Variants in KIF1A observed in about 807,000 individuals in gnomAD.
The protein encoded by KIF1A is kinesin family member 1A, also known as kinesin-like protein KIF1A.
KIF1A carries 46 observed loss-of-function variants against 227.3 expected under a neutral mutation model. The ratio of observed to expected loss-of-function variants is 0.20; its 90% CI spans 0.16 to 0.26. The LOEUF (loss-of-function observed/expected upper bound fraction) is 0.26. KIF1A is among the 10% of genes least tolerant of loss of function. The pLI is 1.00. For missense variants in KIF1A, 1,683 were observed against 2,485.9 expected (o/e 0.68, Z 6.87); for synonymous variants, 1,022 against 1,012.8 (o/e 1.01, Z -0.17).
chr2:240,769,551 C>T, intron 16 of KIF1A, 76 bp downstream of exon 16: 1 of 1,237,000 alleles, frequency 8.1e-7, no homozygotes, highest in South Asian at 1.3e-5. Context: ...GGGCAGGGCT[C>T]AGTGCTCATC....
Position 240,788,957 on chromosome 2 carries a change from T to G in KIF1A, c.183+279A>C, listed in dbSNP as rs1360377127. On this transcript the variant is annotated intron_variant, in intron 3 of 48. Coordinates refer to ENST00000498729, the MANE Select transcript of KIF1A (RefSeq NM_001244008.2). This position sits in a 1 kb window ranked among gnomAD's most constrained non-coding sequence, Gnocchi z 6.6. Reference sequence around the variant, plus strand: ...GGCTCAGGGTCAGCTTTGGGCATTCTGACTTTGGGATGTCTGGGGGAAAAG... The same window carrying G: ...GGCTCAGGGTCAGCTTTGGGCATTCGGACTTTGGGATGTCTGGGGGAAAAG... Among the ~76,000 whole-genome samples, 3 of 152,106 alleles carry G rather than the reference T, an allele frequency of 2.0e-5. No individual in the cohort carries two copies. The highest frequency in any genetic ancestry group is 7.2e-5 in the African/African-American group (3 of 41,408).
At chr2:240,773,081 C>T in intron 13 of KIF1A, 33 bp downstream of exon 13, 1 of 1,581,304 alleles carries the variant, frequency 6.3e-7, no homozygotes, top group Non-Finnish European at 8.6e-7. Flanking sequence ...GGCCCCACAA[C>T]CCTGTCCAGG....
rs377208782 is a variant in KIF1A at position 240,767,363 on chromosome 2, G to T, written c.1498-18C>A. 1.9e-6 allele frequency: 3 copies of T among 1,605,296 alleles called. No homozygotes were observed. Among genetic ancestry groups the T allele is most frequent in the African/African-American group, 2.7e-5 (2 of 74,732 alleles). ...TGTGGTGTCTGCAGGGAGACAGGAG[G>T]ATCATCTCTCTTGCAGAGGGGCAGG... On this transcript the variant is annotated intron_variant, in intron 17 of 48. Coordinates refer to ENST00000498729, the MANE Select transcript of KIF1A (RefSeq NM_001244008.2).
chr2:240,818,150 C>T (rs1331454738), intron 1 of KIF1A, among the ~76,000 whole-genome samples: 1 of 152,152 alleles, frequency 6.6e-6, no homozygotes, highest in Non-Finnish European at 1.5e-5. Context: ...GGGCCCGGCC[C>T]GGGACCCCTG....
At chr2:240,810,629 A>C (rs988572945) in intron 1 of KIF1A, among the ~76,000 whole-genome samples, 30 of 152,214 alleles carry the variant, frequency 2.0e-4, no homozygotes, top group African/African-American at 7.0e-4. Flanking sequence ...AAAAGAATGG[A>C]GACAGCCCAA....
At position 240,766,858 on chromosome 2, in the gene KIF1A, C is replaced by T; in HGVS notation, c.1684+57G>A. On this transcript the variant is annotated intron_variant, in intron 19 of 48. Transcript: ENST00000498729. This position sits in a 1 kb window ranked among gnomAD's most constrained non-coding sequence, Gnocchi z 5.0. ...CTGGGAGAGGGTGACCTCATTCAGG[C>T]CTGATCATCACGGCACAGGGGCATG... is the stretch of plus-strand genomic sequence containing the variant. 1 of 1,265,690 alleles carries T rather than the reference C, an allele frequency of 7.9e-7. No individual in the cohort carries two copies. Among genetic ancestry groups the T allele is most frequent in the Non-Finnish European group, 1.1e-6 (1 of 888,626 alleles). The allele number at this position is 1,265,690 out of a possible 1,614,324, so 78.4% of individuals were successfully genotyped here.
chr2:240,790,265 C>A lies in KIF1A; in HGVS notation c.107-953G>T, dbSNP rs2055495151. 6.6e-6 allele frequency among the ~76,000 whole-genome samples: 1 copy of A among 152,216 alleles called. No individual in the cohort carries two copies. The highest frequency in any genetic ancestry group is 1.5e-5 in the Non-Finnish European group (1 of 68,040). Reference sequence around the variant, plus strand: ...GAGGCAGTCCCCTCCCAGGTTCTCACACCCAGGAGGAACACTGGCCATTCC... The same window carrying A: ...GAGGCAGTCCCCTCCCAGGTTCTCAAACCCAGGAGGAACACTGGCCATTCC... On this transcript the variant is annotated intron_variant, in intron 2 of 48. Coordinates refer to ENST00000498729, the MANE Select transcript of KIF1A (RefSeq NM_001244008.2). This position sits in a 1 kb window ranked among gnomAD's most constrained non-coding sequence, Gnocchi z 5.0.
At chr2:240,737,230 T>TCA in intron 37 of KIF1A, 62 bp from the exon 38 acceptor site, 1 of 1,331,020 alleles carries the variant, frequency 7.5e-7, no homozygotes, top group East Asian at 2.3e-5. Context: ...CCTGGGGGGC[T>TCA]GCCTCAGGTG....
At chr2:240,811,164 C>T (rs2057832514) in intron 1 of KIF1A, among the ~76,000 whole-genome samples, 1 of 152,112 alleles carries the variant, frequency 6.6e-6, no homozygotes, top group Non-Finnish European at 1.5e-5. Context: ...GAGTTAGTGG[C>T]CACCCTGGCT....
At chr2:240,783,677 C>T (rs1462998533) in intron 8 of KIF1A, 62 bp downstream of exon 8, 1 of 1,352,002 alleles carries the variant, frequency 7.4e-7, no homozygotes, top group Non-Finnish European at 1.0e-6. Context: ...AGCCCTCCTG[C>T]CACCCACTCT....
rs2047351071 is a variant in KIF1A at position 240,736,571 on chromosome 2, T to A, written c.4007+492A>T. Reference sequence around the variant, plus strand: ...GCGGTCGGGCTGGGACCGCCCAGACTGTGGGGTCTTGGCCGTGCAAGGAGT... The same window carrying A: ...GCGGTCGGGCTGGGACCGCCCAGACAGTGGGGTCTTGGCCGTGCAAGGAGT... On this transcript the variant is annotated intron_variant, in intron 38 of 48. Transcript: ENST00000498729. The surrounding 1 kb of genome is among the most constrained non-coding windows in gnomAD (Gnocchi z 4.7). Among the ~76,000 whole-genome samples, 1 of 152,186 alleles carries A rather than the reference T, an allele frequency of 6.6e-6. No homozygotes were observed. The highest frequency in any genetic ancestry group is 2.4e-5 in the African/African-American group (1 of 41,438).
At chr2:240,785,211 ACC>A in intron 6 of KIF1A, 111 bp from the exon 7 acceptor site, 1 of 869,022 alleles carries the variant, frequency 1.2e-6, no homozygotes, top group Non-Finnish European at 1.8e-6. Flanking sequence ...GTTCCCCCAG[ACC>A]CCAGGGGCCG....
intron 38 of KIF1A, among the ~76,000 whole-genome samples, chr2:240,734,922 G>A (rs1449260221): frequency 6.6e-6 from 1 of 152,188 alleles, no homozygotes; most frequent in Admixed American, 6.5e-5. Flanking sequence ...GCGCATGGAA[G>A]GCCAAGGCCC....
At chr2:240,820,867 C>A (rs1007128363), upstream of KIF1A, among the ~76,000 whole-genome samples, 1 of 152,018 alleles carries the variant, frequency 6.6e-6, no homozygotes, top group African/African-American at 2.4e-5. The surrounding 1 kb of genome is among the most constrained non-coding windows in gnomAD (Gnocchi z 6.2). Context: ...CTCGTGGGGA[C>A]CCCCCGCCCT....
rs537179294 is a variant in KIF1A at position 240,782,285 on chromosome 2, C to T, written c.882+305G>A. On this transcript the variant is annotated intron_variant, in intron 10 of 48. Transcript: ENST00000498729. ...TCCATGTCCGAGGGGCTCCTCCGCG[C>T]CCCTTTCAGCTCCTCCCAGGGCCCC... 279 of 833,798 alleles carry T rather than the reference C, an allele frequency of 3.3e-4. 1 individual carries two copies. The African/African-American group carries it at 4.4e-3, about 13-fold the overall frequency. 51.6% of individuals were successfully genotyped at this position (833,798 alleles called of 1,614,324 possible). A position where few individuals can be genotyped will look rare whatever the true frequency, so the allele number is the denominator to read the frequency against.
chr2:240,786,795 TGGGGGCTGCCATC>T (rs2054953236), intron 5 of KIF1A, among the ~76,000 whole-genome samples: 2 of 141,292 alleles, frequency 1.4e-5, no homozygotes, highest in African/African-American at 5.5e-5. Flanking sequence ...AGTGAGGGGG[TGGGGGCTGCCATC>T]AGGACCCCTG....
At chr2:240,800,105 GACACACACACACACACACAC>G (rs3220094) in intron 1 of KIF1A, among the ~76,000 whole-genome samples, 1 of 142,960 alleles carries the variant, frequency 7.0e-6, no homozygotes, top group African/African-American at 2.6e-5. Context: ...GTCCAAAGCA[GACACACACACACACACACAC>G]ACACACACAC....
rs961967870 is a variant in KIF1A at position 240,736,927 on chromosome 2, G to A, written c.4007+136C>T. The A allele has an allele frequency of 4.2e-6, 3 of 713,762 alleles. No homozygotes were observed. Among genetic ancestry groups the A allele is most frequent in the African/African-American group, 3.5e-5 (2 of 57,750 alleles). The allele number at this position is 713,762 out of a possible 1,614,324, so 44.2% of individuals were successfully genotyped here. Reference sequence around the variant, plus strand: ...ACCAGCCCCTCACCGCACAGCTCCTGCAGGTGCCAGGAGGGAGGGCCGGGA... The same window carrying A: ...ACCAGCCCCTCACCGCACAGCTCCTACAGGTGCCAGGAGGGAGGGCCGGGA... On this transcript the variant is annotated intron_variant, in intron 38 of 48. Coordinates refer to ENST00000498729, the MANE Select transcript of KIF1A (RefSeq NM_001244008.2). The surrounding 1 kb of genome is among the most constrained non-coding windows in gnomAD (Gnocchi z 4.7).
chr2:240,742,863 G>A, intron 34 of KIF1A, 66 bp downstream of exon 34: 4 of 1,408,248 alleles, frequency 2.8e-6, no homozygotes, highest in Non-Finnish European at 3.0e-6. Context: ...CGGGGGCCCA[G>A]CCCACTACAG....
Sources: gnomAD v4.1 joint callset for allele counts (sites outside exome capture counted in the v4.1 genomes callset) on GRCh38, gnomAD v4.1.1 for gene constraint, Gnocchi (gnomAD v3.1) non-coding constraint, MANE v1.5 for transcripts, NCBI Gene and HGNC (gene_info 2026-07-23, HGNC 2026-07-21) for gene names.